The following PDLIM5 variants were observed in gnomAD, a reference collection of about 807,000 sequenced individuals.
The protein encoded by PDLIM5 is PDZ and LIM domain protein 5.
A neutral mutation model predicts 64.2 loss-of-function variants in PDLIM5; 34 were observed. That is an observed-to-expected ratio of 0.53 (90% CI 0.40 to 0.71). PDLIM5 has a LOEUF of 0.71. Among genes scored for constraint, PDLIM5 ranks in the 30% least tolerant of loss-of-function variants. The probability of loss-of-function intolerance (pLI) is 0.00; values close to 1 mark genes in which losing one functional copy is unlikely to be tolerated. For synonymous variants in PDLIM5, 253 were observed against 269.1 expected (o/e 0.94, Z 0.59); for missense variants, 683 against 733.6 (o/e 0.93, Z 0.80).
chr4:94,578,547 C>T (rs986700753), intron 5 of PDLIM5, among the ~76,000 whole-genome samples: 3 of 152,142 alleles, frequency 2.0e-5, no homozygotes, highest in African/African-American at 7.2e-5. Context: ...GTCTGTGAAA[C>T]TCTGAGACAC....
At chr4:94,513,832 C>T (rs1281060996) in intron 2 of PDLIM5, among the ~76,000 whole-genome samples, 1 of 151,974 alleles carries the variant, frequency 6.6e-6, no homozygotes, top group Non-Finnish European at 1.5e-5. Context: ...TCAGTTTTTC[C>T]CCATTCAGTA....
intron 2 of PDLIM5, among the ~76,000 whole-genome samples, chr4:94,466,529 A>G (rs1724380203): frequency 1.3e-5 from 2 of 152,172 alleles, no homozygotes; most frequent in Middle Eastern, 3.2e-3. Flanking sequence ...CATTTTGTAT[A>G]CTTATGTTTG....
At chr4:94,563,568 T>A (rs1223131665) in intron 3 of PDLIM5, among the ~76,000 whole-genome samples, 1 of 152,198 alleles carries the variant, frequency 6.6e-6, no homozygotes, top group Non-Finnish European at 1.5e-5. Flanking sequence ...GGAATACTTA[T>A]CCCCTTAAAT....
At chr4:94,541,534 A>T (rs542659173) in intron 3 of PDLIM5, among the ~76,000 whole-genome samples, 2 of 152,244 alleles carry the variant, frequency 1.3e-5, no homozygotes, top group African/African-American at 4.8e-5. Context: ...ATTGGCAAGG[A>T]CAGTTTTGTG....
chr4:94,502,895 G>A (rs1037886385), intron 2 of PDLIM5, among the ~76,000 whole-genome samples: 1 of 151,866 alleles, frequency 6.6e-6, no homozygotes, highest in African/African-American at 2.4e-5. Flanking sequence ...AAAAAAAAAA[G>A]TTAATACATG....
intron 7 of PDLIM5, among the ~76,000 whole-genome samples, chr4:94,590,160 C>T (rs909062673): frequency 1.3e-5 from 2 of 152,168 alleles, no homozygotes; most frequent in East Asian, 1.9e-4. Context: ...TCAAAAATTA[C>T]AGTATTTGTG....
chr4:94,542,330 A>AG (rs1578340280), intron 3 of PDLIM5, among the ~76,000 whole-genome samples: 1 of 151,542 alleles, frequency 6.6e-6, no homozygotes, highest in East Asian at 1.9e-4. Flanking sequence ...AAATAAATAA[A>AG]TAAAGTAAGT....
intron 5 of PDLIM5, chr4:94,585,086 G>A (rs1736055313): frequency 2.7e-6 from 2 of 752,248 alleles, no homozygotes; most frequent in Non-Finnish European, 2.2e-6. Context: ...AATTTAAAAG[G>A]TTTTTTTGTT....
chr4:94,579,725 ATAG>A (rs978357356), intron 5 of PDLIM5, among the ~76,000 whole-genome samples: 3 of 152,158 alleles, frequency 2.0e-5, no homozygotes, highest in Admixed American at 6.5e-5. Flanking sequence ...ATAGTAATAA[ATAG>A]TAGTGTTTAA....
intron 3 of PDLIM5, among the ~76,000 whole-genome samples, chr4:94,529,432 T>C (rs374472228): frequency 1.1e-3 from 169 of 152,334 alleles, no homozygotes; most frequent in African/African-American, 3.9e-3. Context: ...TTTTTTGCAT[T>C]GAATATTATT....
In PDLIM5 at chr4:94,585,635, A is replaced by G. The variant is rs1164792904; in HGVS notation, c.781A>G (p.Lys261Glu). 1 of 1,613,234 alleles carries G rather than the reference A, an allele frequency of 6.2e-7. No homozygotes were observed. Among genetic ancestry groups the G allele is most frequent in the South Asian group, 1.1e-5 (1 of 91,040 alleles). The change falls in exon 6 of 13, where the codon AAG (lysine) becomes GAG (glutamate). Residue 261 changes from lysine to glutamate, a missense_variant. Coordinates refer to ENST00000317968, the MANE Select transcript of PDLIM5 (RefSeq NM_006457.5). The part of the protein sequence containing the change: ...YHVPTHSDAS[K>E]KRLIEDTEDW... The stretch of plus-strand genomic sequence containing the variant: ...TGTACCCACTCACAGTGATGCCAGC[A>G]AGAAGAGACTGATTGAGGATACTGA...
chr4:94,583,697 A>G (rs1044277506), intron 5 of PDLIM5, among the ~76,000 whole-genome samples: 1 of 152,192 alleles, frequency 6.6e-6, no homozygotes, highest in African/African-American at 2.4e-5. Flanking sequence ...CCATATTACC[A>G]TAAGTTATAG....
chr4:94,474,164 AT>A (rs1560639148), intron 2 of PDLIM5, among the ~76,000 whole-genome samples: 1 of 152,086 alleles, frequency 6.6e-6, no homozygotes, highest in Non-Finnish European at 1.5e-5. Context: ...TGCTTTTTAA[AT>A]TTTTCTTTCA....
At chr4:94,593,753 G>T (rs1736854567) in intron 7 of PDLIM5, among the ~76,000 whole-genome samples, 1 of 152,222 alleles carries the variant, frequency 6.6e-6, no homozygotes, top group East Asian at 1.9e-4. Flanking sequence ...AACTGTCTTT[G>T]TATACTAATC....
At chr4:94,524,511 G>C (rs1042808028) in intron 3 of PDLIM5, among the ~76,000 whole-genome samples, 2 of 151,572 alleles carry the variant, frequency 1.3e-5, no homozygotes, top group African/African-American at 4.8e-5. Flanking sequence ...TATTCTTTTA[G>C]GATATGATTT....
intron 11 of PDLIM5, 27 bp from the exon 12 acceptor site, chr4:94,662,395 A>G (rs1742804147): frequency 5.8e-6 from 6 of 1,028,462 alleles, no homozygotes; most frequent in Non-Finnish European, 9.2e-6. Context: ...TGTTTAAATT[A>G]TGTCTCTCTG....
intron 4 of PDLIM5, chr4:94,573,607 G>T: frequency 1.8e-6 from 1 of 549,894 alleles, no homozygotes; most frequent in South Asian, 2.5e-5. Flanking sequence ...TATTTCCAAA[G>T]CCATATGTTA....
At chr4:94,489,567 A>C (rs1726670555) in intron 2 of PDLIM5, among the ~76,000 whole-genome samples, 1 of 151,962 alleles carries the variant, frequency 6.6e-6, no homozygotes. Context: ...TATAAATATA[A>C]AAATATTTAT....
Position 94,665,113 on chromosome 4 carries a change from CA to C in PDLIM5, c.*1047del. ...TTCATCACCTATATTAGGCAAATTC[CA>C]TTTTTTTCCCTTGTGCTAAGGTAAA... On this transcript the variant is annotated 3_prime_UTR_variant, in exon 13 of 13. Coordinates refer to ENST00000317968, the MANE Select transcript of PDLIM5 (RefSeq NM_006457.5). The C allele has an allele frequency of 1.1e-6, 1 of 915,074 alleles. No individual in the cohort carries two copies. Among genetic ancestry groups the C allele is most frequent in the Non-Finnish European group, 1.3e-6 (1 of 789,896 alleles). The allele number at this position is 915,074 out of a possible 1,614,324, so 56.7% of individuals were successfully genotyped here.
Sources: allele counts gnomAD v4.1 joint callset (sites outside exome capture counted in the v4.1 genomes callset), GRCh38; gene constraint gnomAD v4.1.1; transcripts MANE v1.5; gene names NCBI Gene and HGNC (gene_info 2026-07-23, HGNC 2026-07-21).